GKAP1: variants seen among roughly 807,000 people sequenced by gnomAD.
GKAP1 encodes G kinase-anchoring protein 1.
In GKAP1, 31 loss-of-function variants were observed where a neutral mutation model predicts 56.7. That is an observed-to-expected ratio of 0.55 (90% CI 0.41 to 0.74). The LOEUF is 0.74. Among genes scored for constraint, GKAP1 ranks in the 30% least tolerant of loss-of-function variants. GKAP1 has a pLI of 0.00. For synonymous variants in GKAP1, 151 were observed against 138.6 expected (o/e 1.09, Z -0.63); for missense variants, 364 against 402.3 (o/e 0.90, Z 0.82).
At chr9:83,807,243 C>T (rs754475369) in intron 2 of GKAP1, among the ~76,000 whole-genome samples, 52 of 152,268 alleles carry the variant, frequency 3.4e-4, no homozygotes, top group Admixed American at 2.7e-3. Flanking sequence ...CCTAGTAGTT[C>T]CTAATCCAAA....
intron 2 of GKAP1, among the ~76,000 whole-genome samples, chr9:83,815,364 G>T (rs943511540): frequency 6.6e-6 from 1 of 150,846 alleles, no homozygotes; most frequent in East Asian, 2.0e-4. Context: ...CTCCAGCCTC[G>T]GCCTCCCAAA....
At chr9:83,782,147 TTTC>T (rs1236810305) in intron 6 of GKAP1, among the ~76,000 whole-genome samples, 1 of 151,720 alleles carries the variant, frequency 6.6e-6, no homozygotes, top group Non-Finnish European at 1.5e-5. Context: ...CAGCCACTTC[TTTC>T]TTTTTTTTTT....
chr9:83,802,439 G>C (rs945200363), intron 3 of GKAP1, among the ~76,000 whole-genome samples: 1 of 149,162 alleles, frequency 6.7e-6, no homozygotes, highest in Non-Finnish European at 1.5e-5. Context: ...CTGAGATCAC[G>C]GCACTAAAAC....
At chr9:83,749,214 CTTAT>C (rs1168656175) in intron 9 of GKAP1, 3 of 149,926 alleles carry the variant, frequency 2.0e-5, no homozygotes, top group Non-Finnish European at 3.0e-5. Flanking sequence ...CTCTGTATCA[CTTAT>C]TTATTTACTT....
chr9:83,748,276 A>G (rs1391876185), intron 10 of GKAP1, 33 bp downstream of exon 10: 4 of 1,419,360 alleles, frequency 2.8e-6, no homozygotes, highest in Admixed American at 1.9e-5. Flanking sequence ...TTTAAGATAA[A>G]CTTTTAATTA....
intron 3 of GKAP1, among the ~76,000 whole-genome samples, chr9:83,805,104 T>C (rs549464038): frequency 3.9e-5 from 6 of 152,086 alleles, no homozygotes; most frequent in Non-Finnish European, 7.4e-5. Context: ...ATGGGAGACT[T>C]TTCATTTTGT....
chr9:83,791,519 A>C (rs1443755765), intron 4 of GKAP1, among the ~76,000 whole-genome samples: 2 of 152,248 alleles, frequency 1.3e-5, no homozygotes, highest in Admixed American at 6.5e-5. Context: ...TGTTAACACA[A>C]ACTAGTATAC....
intron 8 of GKAP1, among the ~76,000 whole-genome samples, chr9:83,765,722 T>C (rs1463482324): frequency 6.6e-6 from 1 of 152,244 alleles, no homozygotes; most frequent in Non-Finnish European, 1.5e-5. Context: ...ATTTCAGACT[T>C]GCATGGGGCC....
At chr9:83,802,979 T>G (rs957624891) in intron 3 of GKAP1, among the ~76,000 whole-genome samples, 1 of 151,806 alleles carries the variant, frequency 6.6e-6, no homozygotes, top group Non-Finnish European at 1.5e-5. Context: ...CGTAGTGGTG[T>G]GTGCCTGTGG....
rs146623014 is a variant in GKAP1 at position 83,742,064 on chromosome 9, T to G, written c.976-35A>C. ...AATATTCAATAAGAAAAAGAATTTT[T>G]GGGGTTTTTGGCAAATACTCAATTC... On this transcript the variant is annotated intron_variant, in intron 11 of 12. Transcript: ENST00000376371. The G allele has an allele frequency of 1.4e-3, 2,000 of 1,395,550 alleles. 29 individuals are homozygous for G. In the African/African-American group the frequency reaches 0.025, roughly 18 times the overall value. 86.4% of individuals were successfully genotyped at this position (1,395,550 alleles called of 1,614,324 possible). A position where few individuals can be genotyped will look rare whatever the true frequency, so the allele number is the denominator to read the frequency against.
At chr9:83,745,858 T>C (rs527740136) in intron 10 of GKAP1, among the ~76,000 whole-genome samples, 263 of 152,158 alleles carry the variant, frequency 1.7e-3, no homozygotes, top group African/African-American at 6.2e-3. Context: ...TGGCATGATC[T>C]TGGCTCATTG....
chr9:83,788,725 C>T (rs1411381968), intron 4 of GKAP1, 47 bp from the exon 5 acceptor site: 4 of 1,162,506 alleles, frequency 3.4e-6, no homozygotes, highest in Non-Finnish European at 5.1e-6. Context: ...CATTACATCA[C>T]ATGAGCAAAA....
At chr9:83,768,736 A>T in intron 8 of GKAP1, 82 bp downstream of exon 8, 1 of 1,154,158 alleles carries the variant, frequency 8.7e-7, no homozygotes, top group Non-Finnish European at 1.3e-6. Flanking sequence ...TCATAATTTG[A>T]TTCTACTGCT....
At chr9:83,779,525 G>GTACACATATATGTGTATATATATACACA (rs1564201711) in intron 7 of GKAP1, among the ~76,000 whole-genome samples, 15 of 109,298 alleles carry the variant, frequency 1.4e-4, no homozygotes, top group African/African-American at 5.5e-4. Context: ...ATATATACAC[G>GTACACATATATGTGTATATATATACACA]TGTATATGTG....
intron 4 of GKAP1, among the ~76,000 whole-genome samples, chr9:83,796,970 G>A (rs1239352479): frequency 1.3e-5 from 2 of 151,844 alleles, no homozygotes; most frequent in East Asian, 1.9e-4. Context: ...AATCTTTTTC[G>A]AGGTGTGCTT....
chr9:83,806,708 A>G (rs543122257), intron 2 of GKAP1, 148 bp from the exon 3 acceptor site: 1 of 550,174 alleles, frequency 1.8e-6, no homozygotes, highest in Admixed American at 3.5e-5. Context: ...ACTATTAGCA[A>G]TAACATACTT....
intron 7 of GKAP1, among the ~76,000 whole-genome samples, chr9:83,779,065 T>C (rs932330101): frequency 5.3e-5 from 8 of 152,024 alleles, no homozygotes; most frequent in Admixed American, 3.3e-4. Flanking sequence ...AGGTACACCA[T>C]GTGTATCTGC....
intron 8 of GKAP1, among the ~76,000 whole-genome samples, chr9:83,761,526 C>T (rs527874190): frequency 1.3e-5 from 2 of 152,060 alleles, no homozygotes; most frequent in Non-Finnish European, 2.9e-5. Flanking sequence ...ACTATTCTGA[C>T]AAAAGAGGAG....
chr9:83,775,002 C>T lies in GKAP1; in HGVS notation c.585+5380G>A, dbSNP rs561048634. Among the ~76,000 whole-genome samples, 1,175 of 127,016 alleles carry T rather than the reference C, an allele frequency of 9.3e-3. 10 individuals are homozygous for T. The highest frequency in any genetic ancestry group is 0.015 in the Non-Finnish European group (922 of 59,490). 83.3% of individuals were successfully genotyped at this position (127,016 alleles called of 152,430 possible). A position where few individuals can be genotyped will look rare whatever the true frequency, so the allele number is the denominator to read the frequency against. ...GATTACAGGGGTGACCCACCGCGCC[C>T]GGCCCCTTCTTTTTTTTTTTTTAAG... On this transcript the variant is annotated intron_variant, in intron 7 of 12. Coordinates refer to ENST00000376371, the MANE Select transcript of GKAP1 (RefSeq NM_025211.4).
Sources: gnomAD v4.1 joint callset for allele counts (sites outside exome capture counted in the v4.1 genomes callset) on GRCh38, gnomAD v4.1.1 for gene constraint, MANE v1.5 for transcripts, NCBI Gene and HGNC (gene_info 2026-07-23, HGNC 2026-07-21) for gene names.